EXOC6B: variants seen among roughly 807,000 people sequenced by gnomAD.
EXOC6B encodes SEC15 homolog B.
EXOC6B carries 54 observed loss-of-function variants against 113.5 expected under a neutral mutation model. The ratio of observed to expected loss-of-function variants is 0.48; its 90% CI spans 0.38 to 0.60. The LOEUF (loss-of-function observed/expected upper bound fraction) is 0.60, where lower values mean the gene tolerates loss of function less well. EXOC6B is among the 20% of genes least tolerant of loss of function. The pLI, the probability that EXOC6B is intolerant of heterozygous loss-of-function variation, is 0.00. For synonymous variants in EXOC6B, 357 were observed against 339.0 expected (o/e 1.05, Z -0.58); for missense variants, 797 against 977.5 (o/e 0.82, Z 2.46).
At chr2:72,224,819 T>TGCGC (rs374010260) in intron 20 of EXOC6B, among the ~76,000 whole-genome samples, 3 of 150,146 alleles carry the variant, frequency 2.0e-5, no homozygotes, top group Non-Finnish European at 4.4e-5. Context: ...TGTGTGTGTG[T>TGCGC]GCGTGTGTGT....
At chr2:72,422,227 C>A (rs891854309) in intron 18 of EXOC6B, among the ~76,000 whole-genome samples, 30 of 152,226 alleles carry the variant, frequency 2.0e-4, no homozygotes, top group African/African-American at 7.2e-4. Context: ...CGGCGCGGGA[C>A]TGGCAGACAG....
intron 19 of EXOC6B, among the ~76,000 whole-genome samples, chr2:72,377,564 A>C (rs1206585558): frequency 6.6e-6 from 1 of 152,232 alleles, no homozygotes; most frequent in Non-Finnish European, 1.5e-5. Context: ...TTGTGACAAC[A>C]TGGATGAACC....
intron 6 of EXOC6B, among the ~76,000 whole-genome samples, chr2:72,615,588 T>TAAAA (rs754361086): frequency 2.5e-5 from 3 of 120,880 alleles, no homozygotes; most frequent in African/African-American, 9.0e-5. Context: ...ATGCTGATAT[T>TAAAA]AAAAAAAAAA....
chr2:72,460,661 C>T (rs1269179812), intron 18 of EXOC6B, among the ~76,000 whole-genome samples: 1 of 152,116 alleles, frequency 6.6e-6, no homozygotes, highest in Non-Finnish European at 1.5e-5. Flanking sequence ...CAATGAGATA[C>T]CATCTCACAC....
chr2:72,368,747 G>A (rs2105015459), intron 19 of EXOC6B, among the ~76,000 whole-genome samples: 1 of 152,218 alleles, frequency 6.6e-6, no homozygotes, highest in East Asian at 1.9e-4. Flanking sequence ...CATATAAACA[G>A]AACCAATGAC....
Position 72,825,893 on chromosome 2 carries a change from C to T in EXOC6B, c.18G>A (p.Met6Ile). 6.2e-7 allele frequency: 1 copy of T among 1,613,210 alleles called. No individual in the cohort carries two copies. Among genetic ancestry groups the T allele is most frequent in the Non-Finnish European group, 8.5e-7 (1 of 1,179,690 alleles). The change falls in exon 1 of 22, where the codon ATG (methionine) becomes ATA (isoleucine). Residue 6 changes from methionine to isoleucine, a missense_variant. Transcript: ENST00000272427. This position sits in a 1 kb window ranked among gnomAD's most constrained non-coding sequence, Gnocchi z 4.4. MERGK[M>I]AEAESLETAA... ...CTGTCTCCAGGCTCTCCGCCTCCGC[C>T]ATCTTACCCCGCTCCATAGACTGGG...
chr2:72,544,404 T>A (rs1351625162), intron 8 of EXOC6B, among the ~76,000 whole-genome samples: 2 of 151,954 alleles, frequency 1.3e-5, no homozygotes, highest in Non-Finnish European at 2.9e-5. Context: ...ACATGACGGA[T>A]TTTTTTTAAA....
At chr2:72,304,863 G>T (rs1198507643) in intron 20 of EXOC6B, among the ~76,000 whole-genome samples, 1 of 152,176 alleles carries the variant, frequency 6.6e-6, no homozygotes, top group African/African-American at 2.4e-5. Flanking sequence ...AGTAAGATTG[G>T]GGCTAGGTTA....
intron 6 of EXOC6B, among the ~76,000 whole-genome samples, chr2:72,612,669 G>A (rs967027979): frequency 8.5e-5 from 13 of 152,160 alleles, no homozygotes; most frequent in African/African-American, 2.9e-4. Context: ...CAGGTTAAAA[G>A]CTACAACTGG....
intron 20 of EXOC6B, among the ~76,000 whole-genome samples, chr2:72,311,859 A>G (rs1687206151): frequency 6.6e-6 from 1 of 152,208 alleles, no homozygotes; most frequent in African/African-American, 2.4e-5. Context: ...AAGTCTGAGA[A>G]GGAGCAGGGG....
chr2:72,250,802 A>C (rs1245413119), intron 20 of EXOC6B, among the ~76,000 whole-genome samples: 2 of 151,624 alleles, frequency 1.3e-5, no homozygotes, highest in African/African-American at 4.8e-5. Context: ...AAGATAAAAG[A>C]AGCACAGGTC....
chr2:72,343,688 T>G (rs922232514), intron 19 of EXOC6B, among the ~76,000 whole-genome samples: 1 of 152,244 alleles, frequency 6.6e-6, no homozygotes, highest in Middle Eastern at 3.4e-3. Context: ...TTTTCAGATA[T>G]GTATATAAAA....
At chr2:72,521,219 G>T (rs1279991162) in intron 8 of EXOC6B, among the ~76,000 whole-genome samples, 2 of 152,086 alleles carry the variant, frequency 1.3e-5, no homozygotes, top group Non-Finnish European at 2.9e-5. Context: ...TCCTCCCTCT[G>T]GAGGATAAGG....
In EXOC6B at chr2:72,730,579, G is replaced by GACACACACACAC. The variant is rs3034987; in HGVS notation, c.464+416_464+427dup. 2.1e-3 allele frequency among the ~76,000 whole-genome samples: 304 copies of GACACACACACAC among 144,554 alleles called. 2 individuals carry two copies. The highest frequency in any genetic ancestry group is 4.1e-3 in the Admixed American group (60 of 14,506). The allele number at this position is 144,554 out of a possible 152,430, so 94.8% of individuals were successfully genotyped here. ...CCTCTCCAGTAGGTAAACAGACAGA[G>GACACACACACAC]ACACACACACACACACACACACACA... On this transcript the variant is annotated intron_variant, in intron 5 of 21. Transcript: ENST00000272427.
intron 18 of EXOC6B, among the ~76,000 whole-genome samples, chr2:72,410,828 T>C (rs1399941061): frequency 6.6e-6 from 1 of 151,958 alleles, no homozygotes; most frequent in Non-Finnish European, 1.5e-5. Flanking sequence ...GTAACACTAC[T>C]AAGAAAAAAA....
chr2:72,793,351 A>G (rs1285004791), intron 1 of EXOC6B, among the ~76,000 whole-genome samples: 1 of 152,244 alleles, frequency 6.6e-6, no homozygotes, highest in Non-Finnish European at 1.5e-5. Flanking sequence ...TAAAATAAGA[A>G]CAGCCTGCAT....
At position 72,663,461 on chromosome 2, in the gene EXOC6B, T is replaced by C. The variant is rs375857362; in HGVS notation, c.669+54642A>G. 1.5e-4 allele frequency among the ~76,000 whole-genome samples: 23 copies of C among 152,346 alleles called. 2 individuals are homozygous for C. Among genetic ancestry groups the C allele is most frequent in the African/African-American group, 4.6e-4 (19 of 41,580 alleles). The stretch of plus-strand genomic sequence containing the variant: ...GAAAGCCTTAGCTATGAAGGTTTTC[T>C]TGAAGAAGCTTGAAAATTACAAAAC... On this transcript the variant is annotated intron_variant, in intron 6 of 21. Coordinates refer to ENST00000272427, the MANE Select transcript of EXOC6B (RefSeq NM_015189.3).
chr2:72,436,545 T>C (rs537020274), intron 18 of EXOC6B, among the ~76,000 whole-genome samples: 2 of 152,282 alleles, frequency 1.3e-5, no homozygotes, highest in Admixed American at 6.5e-5. Flanking sequence ...CAATCAATCA[T>C]AGATTTGGTC....
At chr2:72,194,608 T>G (rs1407572069) in intron 20 of EXOC6B, among the ~76,000 whole-genome samples, 5 of 152,116 alleles carry the variant, frequency 3.3e-5, no homozygotes, top group Admixed American at 6.5e-5. Context: ...TGTGTGTGTG[T>G]GTGCATATGT....
Sources: gnomAD v4.1 joint callset for allele counts (sites outside exome capture counted in the v4.1 genomes callset) on GRCh38, gnomAD v4.1.1 for gene constraint, Gnocchi (gnomAD v3.1) non-coding constraint, MANE v1.5 for transcripts, NCBI Gene and HGNC (gene_info 2026-07-23, HGNC 2026-07-21) for gene names.